Variants in TAF1B observed in about 807,000 individuals in gnomAD.
TAF1B encodes TATA-box binding protein associated factor, RNA polymerase I subunit B, also known as TATA box-binding protein-associated factor RNA polymerase I subunit B.
Under a neutral mutation model 83.9 loss-of-function variants are expected in TAF1B, and 61 were observed. The observed-to-expected ratio is 0.73, with a 90% CI of 0.59 to 0.90. TAF1B has a LOEUF of 0.90. Ranked by LOEUF, TAF1B falls within the 40% of genes least tolerant of loss-of-function variation. TAF1B has a pLI of 0.00. For synonymous variants in TAF1B, 221 were observed against 224.6 expected, an observed-to-expected ratio of 0.98 and a Z score of 0.14; for missense variants, 625 against 677.0, an observed-to-expected ratio of 0.92 and a Z score of 0.85.
intron 12 of TAF1B, among the ~76,000 whole-genome samples, chr2:9,913,874 C>T (rs1665606015): frequency 6.6e-6 from 1 of 152,150 alleles, no homozygotes; most frequent in Non-Finnish European, 1.5e-5. Flanking sequence ...AGTTACTTAA[C>T]CTTTTGCTGA....
At position 9,875,878 on chromosome 2, in the gene TAF1B, C is replaced by T. The variant is rs762693053; in HGVS notation, c.567C>T (p.Cys189=). The T allele has an allele frequency of 6.3e-7, 1 of 1,599,386 alleles. No individual in the cohort carries two copies. Among genetic ancestry groups the T allele is most frequent in the Non-Finnish European group, 8.6e-7 (1 of 1,168,932 alleles). ...SKASQSETSV[C]SGSLDGVEYS... is the part of the protein sequence containing the mutation. Reference sequence around the variant, plus strand: ...TTATCTCCTAAGAAACGTCTGTCTGCTCTGGATCTCTGGATGGAGTTGAAT... The same window carrying T: ...TTATCTCCTAAGAAACGTCTGTCTGTTCTGGATCTCTGGATGGAGTTGAAT... Residue 189 remains cysteine, a synonymous_variant, in exon 7 of 15, where the codon TGC becomes TGT. Coordinates refer to ENST00000263663, the MANE Select transcript of TAF1B (RefSeq NM_005680.3).
intron 8 of TAF1B, 28 bp from the exon 9 acceptor site, chr2:9,904,830 CA>C (rs1558259856): frequency 1.3e-6 from 2 of 1,585,774 alleles, no homozygotes; most frequent in Admixed American, 3.8e-5. Flanking sequence ...GCAAAAATTG[CA>C]ACTATGATGG....
At chr2:9,854,228 GTTAATAT>G (rs1663487003) in intron 4 of TAF1B, 91 bp from the exon 5 acceptor site, 1 of 814,532 alleles carries the variant, frequency 1.2e-6, no homozygotes. Context: ...TTATATGTAA[GTTAATAT>G]TTAAAGTACA....
chr2:9,843,499 C>T lies in TAF1B; in HGVS notation c.-43C>T, dbSNP rs1305152575. The T allele has an allele frequency of 1.3e-6, 2 of 1,520,936 alleles. No homozygotes were observed. Among genetic ancestry groups the T allele is most frequent in the South Asian group, 1.2e-5 (1 of 82,332 alleles). The allele number at this position is 1,520,936 out of a possible 1,614,324, so 94.2% of individuals were successfully genotyped here. ...CTTTCCCGGAAGCTGCGCTCGCTAC[C>T]CGGGTAACGGGTCCCGGCTGTGGAA... On this transcript the variant is annotated 5_prime_UTR_variant, in exon 1 of 15. Transcript: ENST00000263663.
chr2:9,897,789 C>A (rs796432610), intron 8 of TAF1B, among the ~76,000 whole-genome samples: 33 of 152,240 alleles, frequency 2.2e-4, no homozygotes, highest in African/African-American at 7.0e-4. Context: ...CTCTGTAGGC[C>A]ACATGTAATG....
In TAF1B at chr2:9,852,152, C is replaced by A. The variant is rs1037307615; in HGVS notation, c.303+514C>A. ...AAACACCAATCACTGGACCTTAATC[C>A]CCGAATTTCTGAGTTAGTATGTCTG... On this transcript the variant is annotated intron_variant, in intron 4 of 14. Coordinates refer to ENST00000263663, the MANE Select transcript of TAF1B (RefSeq NM_005680.3). The A allele has an allele frequency of 3.5e-5, 14 of 397,246 alleles. No individual in the cohort carries two copies. The Admixed American group carries it at 4.2e-4, about 12-fold the overall frequency. 24.6% of individuals were successfully genotyped at this position (397,246 alleles called of 1,614,324 possible).
chr2:9,891,627 C>T (rs6707700), intron 8 of TAF1B, among the ~76,000 whole-genome samples: 49,843 of 151,896 alleles, frequency 0.33, 8,768 homozygotes, highest in African/African-American at 0.43. Context: ...GGAGATATTC[C>T]AGAAGAAGGC....
intron 8 of TAF1B, among the ~76,000 whole-genome samples, chr2:9,885,084 C>A (rs1664632587): frequency 6.6e-6 from 1 of 152,080 alleles, no homozygotes; most frequent in South Asian, 2.1e-4. Flanking sequence ...CTTCGTAGAA[C>A]CTATTTAAGT....
chr2:9,866,611 A>G (rs1483967630), intron 5 of TAF1B, among the ~76,000 whole-genome samples: 4 of 152,244 alleles, frequency 2.6e-5, no homozygotes, highest in African/African-American at 9.6e-5. Context: ...ATTATAAGTC[A>G]TGCTGCTATA....
intron 5 of TAF1B, among the ~76,000 whole-genome samples, chr2:9,858,934 G>A (rs187906132): frequency 6.6e-6 from 1 of 152,270 alleles, no homozygotes; most frequent in Admixed American, 6.5e-5. Context: ...GACATGCCCT[G>A]GAGACATTTT....
At chr2:9,910,094 A>G (rs984619592) in intron 9 of TAF1B, among the ~76,000 whole-genome samples, 1 of 152,220 alleles carries the variant, frequency 6.6e-6, no homozygotes, top group Non-Finnish European at 1.5e-5. Context: ...TAGTTTTCAA[A>G]GTCTATTCAC....
In TAF1B at chr2:9,843,495, CTACCCGGGT is replaced by C; in HGVS notation, c.-46_-38del. The C allele has an allele frequency of 6.6e-7, 1 of 1,519,934 alleles. No homozygotes were observed. The highest frequency in any genetic ancestry group is 8.9e-7 in the Non-Finnish European group (1 of 1,129,168). The allele number at this position is 1,519,934 out of a possible 1,614,324, so 94.2% of individuals were successfully genotyped here. On this transcript the variant is annotated 5_prime_UTR_variant, in exon 1 of 15. Coordinates refer to ENST00000263663, the MANE Select transcript of TAF1B (RefSeq NM_005680.3). ...CAGCCTTTCCCGGAAGCTGCGCTCG[CTACCCGGGT>C]AACGGGTCCCGGCTGTGGAAGCTCC... is the stretch of plus-strand genomic sequence containing the variant.
At chr2:9,894,016 A>G (rs1005460248) in intron 8 of TAF1B, among the ~76,000 whole-genome samples, 1 of 152,240 alleles carries the variant, frequency 6.6e-6, no homozygotes, top group Admixed American at 6.5e-5. Context: ...TAGAATTTAT[A>G]AAAGAGAGGA....
At chr2:9,864,935 C>T (rs1189901164) in intron 5 of TAF1B, among the ~76,000 whole-genome samples, 2 of 152,030 alleles carry the variant, frequency 1.3e-5, no homozygotes, top group Non-Finnish European at 2.9e-5. Flanking sequence ...TGATGGGACA[C>T]ATCTCAAAAT....
intron 5 of TAF1B, among the ~76,000 whole-genome samples, chr2:9,854,667 T>TA (rs1376683755): frequency 3.6e-5 from 5 of 139,190 alleles, no homozygotes; most frequent in African/African-American, 1.2e-4. Flanking sequence ...AGTTGAAACA[T>TA]AAAGGAATTT....
At chr2:9,885,751 CCA>C (rs1491294781) in intron 8 of TAF1B, among the ~76,000 whole-genome samples, 8 of 138,878 alleles carry the variant, frequency 5.8e-5, no homozygotes, top group Non-Finnish European at 1.2e-4. Context: ...ACGCCCCCCC[CCA>C]CTTTGTCCTT....
intron 14 of TAF1B, among the ~76,000 whole-genome samples, chr2:9,929,982 T>G (rs1490570535): frequency 6.6e-6 from 1 of 152,166 alleles, no homozygotes; most frequent in East Asian, 1.9e-4. Context: ...TAGAGGTATT[T>G]ATAGTATTCT....
intron 14 of TAF1B, among the ~76,000 whole-genome samples, chr2:9,923,766 G>A (rs1665952424): frequency 6.6e-6 from 1 of 152,224 alleles, no homozygotes; most frequent in African/African-American, 2.4e-5. Context: ...TCAGCGCCAT[G>A]TCTGAGGTAA....
chr2:9,870,085 T>G (rs1001922816), intron 6 of TAF1B, among the ~76,000 whole-genome samples: 8 of 150,238 alleles, frequency 5.3e-5, no homozygotes, highest in African/African-American at 9.7e-5. Context: ...TTCTTTAAAT[T>G]TTTAAAAACT....
Sources: gnomAD v4.1 joint callset for allele counts (sites outside exome capture counted in the v4.1 genomes callset) on GRCh38, gnomAD v4.1.1 for gene constraint, MANE v1.5 for transcripts, NCBI Gene and HGNC (gene_info 2026-07-23, HGNC 2026-07-21) for gene names.